The following AFG1L variants were observed in gnomAD, a reference collection of about 807,000 sequenced individuals.
The protein encoded by AFG1L is AFG1-like ATPase.
Under a neutral mutation model 62.2 loss-of-function variants are expected in AFG1L, and 53 were observed. That is an observed-to-expected ratio of 0.85 (90% CI 0.68 to 1.07). AFG1L has a LOEUF of 1.07. Ranked by LOEUF, AFG1L falls within the 50% of genes least tolerant of loss-of-function variation. The pLI is 0.00. For missense variants in AFG1L, 555 were observed against 590.5 expected (o/e 0.94, Z 0.62); for synonymous variants, 228 against 210.3 (o/e 1.08, Z -0.73).
intron 10 of AFG1L, among the ~76,000 whole-genome samples, chr6:108,500,605 A>G (rs1774156991): frequency 6.6e-6 from 1 of 152,194 alleles, no homozygotes; most frequent in African/African-American, 2.4e-5. Flanking sequence ...ATAAACGTGA[A>G]TGCAGGTGTC....
chr6:108,329,987 T>G (rs1225004850), intron 2 of AFG1L, among the ~76,000 whole-genome samples: 1 of 152,028 alleles, frequency 6.6e-6, no homozygotes, highest in Non-Finnish European at 1.5e-5. Context: ...TGGATTATCA[T>G]GGAAGTGGGA....
At chr6:108,477,030 T>A (rs1773133735) in intron 9 of AFG1L, 95 bp downstream of exon 9, 6 of 1,161,850 alleles carry the variant, frequency 5.2e-6, no homozygotes. Context: ...TGTATATGGG[T>A]TGATGCCACG....
At chr6:108,510,742 CAGTA>C (rs1774612957) in intron 11 of AFG1L, among the ~76,000 whole-genome samples, 1 of 152,122 alleles carries the variant, frequency 6.6e-6, no homozygotes, top group Non-Finnish European at 1.5e-5. Context: ...ACTGAATGCT[CAGTA>C]AGTATTTGTT....
intron 7 of AFG1L, among the ~76,000 whole-genome samples, chr6:108,446,078 AC>A (rs1771779044): frequency 6.6e-6 from 1 of 151,252 alleles, no homozygotes; most frequent in South Asian, 2.1e-4. Context: ...ACACACACAC[AC>A]ACACACACAC....
At chr6:108,363,265 G>A (rs1779615676) in intron 5 of AFG1L, among the ~76,000 whole-genome samples, 1 of 152,052 alleles carries the variant, frequency 6.6e-6, no homozygotes, top group South Asian at 2.1e-4. Context: ...GTGCAGGTTT[G>A]TTATATAGGT....
rs546328255 is a variant in AFG1L at position 108,333,217 on chromosome 6, C to A, written c.363+9169C>A. 2.0e-5 allele frequency among the ~76,000 whole-genome samples: 3 copies of A among 151,824 alleles called. No individual in the cohort carries two copies. The South Asian group carries it at 6.2e-4, about 32-fold the overall frequency. ...CTGAGGTCAGGAGTTCGAGACCAACCTGGCCAACATGGTGAAACCCCGTCT... is the reference window on the plus strand; with the variant it reads ...CTGAGGTCAGGAGTTCGAGACCAACATGGCCAACATGGTGAAACCCCGTCT... On this transcript the variant is annotated intron_variant, in intron 2 of 12. Coordinates refer to ENST00000368977, the MANE Select transcript of AFG1L (RefSeq NM_145315.5).
chr6:108,368,952 T>C (rs1537862), intron 6 of AFG1L, among the ~76,000 whole-genome samples: 52,757 of 152,078 alleles, frequency 0.35, 11,308 homozygotes, highest in East Asian at 0.63. Flanking sequence ...AGATGCGGAA[T>C]TGCAAAAATT....
Position 108,355,698 on chromosome 6 carries a change from G to A in AFG1L, c.460G>A (p.Glu154Lys). The A allele has an allele frequency of 6.2e-7, 1 of 1,610,754 alleles. No individual in the cohort carries two copies. Among genetic ancestry groups the A allele is most frequent in the South Asian group, 1.1e-5 (1 of 89,880 alleles). Residue 154 changes from glutamate (E) to lysine (K), a missense_variant, in exon 4 of 13, where the codon GAA becomes AAA. Physicochemically the swap from Glu to Lys is moderately conservative, Grantham distance 56. Transcript: ENST00000368977. ...GATGGACATGTTTTATGCTTATGTG[G>A]AAATGAAGAGGAAAAAACGGGTTCA... The part of the protein sequence containing the change: ...MVMDMFYAYV[E>K]MKRKKRVHFH...
intron 7 of AFG1L, among the ~76,000 whole-genome samples, chr6:108,410,435 A>C (rs1473957799): frequency 1.3e-5 from 2 of 152,192 alleles, no homozygotes; most frequent in Non-Finnish European, 2.9e-5. Context: ...TGAGGCTTGT[A>C]AACTGCAAGT....
intron 6 of AFG1L, among the ~76,000 whole-genome samples, chr6:108,385,573 G>A (rs774330015): frequency 1.9e-4 from 29 of 152,198 alleles, no homozygotes; most frequent in Middle Eastern, 3.4e-3. Flanking sequence ...ATCTCTGTTC[G>A]AGGCTCTCAG....
chr6:108,308,275 G>A (rs1055274480), intron 1 of AFG1L, among the ~76,000 whole-genome samples: 2 of 151,850 alleles, frequency 1.3e-5, no homozygotes, highest in Admixed American at 6.6e-5. Context: ...TCAGTCTCCC[G>A]AGTAGCTGGG....
chr6:108,396,993 C>T (rs766653701), intron 6 of AFG1L, among the ~76,000 whole-genome samples: 6 of 151,946 alleles, frequency 3.9e-5, no homozygotes, highest in Non-Finnish European at 8.8e-5. Context: ...TTCTGTTGTG[C>T]TGTCAAATAC....
intron 7 of AFG1L, among the ~76,000 whole-genome samples, chr6:108,407,684 C>T (rs1252725439): frequency 1.0e-5 from 1 of 96,844 alleles, no homozygotes; most frequent in Non-Finnish European, 1.9e-5. Flanking sequence ...TACCCTGTCT[C>T]TGGAAATTAA....
chr6:108,465,218 ACT>A (rs1444579747), intron 8 of AFG1L, among the ~76,000 whole-genome samples: 2 of 152,152 alleles, frequency 1.3e-5, no homozygotes, highest in Non-Finnish European at 2.9e-5. Flanking sequence ...CCAAAAGAAA[ACT>A]CTAAATTTAG....
chr6:108,444,410 G>T (rs557135209), intron 7 of AFG1L, among the ~76,000 whole-genome samples: 2 of 152,310 alleles, frequency 1.3e-5, no homozygotes, highest in South Asian at 4.1e-4. Flanking sequence ...ACTGCTAAAG[G>T]TTGGAGTGGC....
intron 7 of AFG1L, among the ~76,000 whole-genome samples, chr6:108,409,038 C>T (rs1005602721): frequency 1.3e-5 from 2 of 151,842 alleles, no homozygotes; most frequent in African/African-American, 2.4e-5. Flanking sequence ...CAAAAGCTTT[C>T]GATAATGTAG....
intron 2 of AFG1L, chr6:108,344,748 C>G (rs1362645782): frequency 4.2e-6 from 2 of 471,170 alleles, no homozygotes; most frequent in Admixed American, 4.7e-5. Context: ...ACTCACTCCA[C>G]CCTGTCATAC....
At chr6:108,483,226 A>AT (rs1251075228) in intron 10 of AFG1L, among the ~76,000 whole-genome samples, 1 of 152,158 alleles carries the variant, frequency 6.6e-6, no homozygotes, top group African/African-American at 2.4e-5. Flanking sequence ...AAACAGAAGT[A>AT]TTTTTTCATA....
intron 10 of AFG1L, among the ~76,000 whole-genome samples, chr6:108,505,783 A>G (rs1774395490): frequency 1.3e-5 from 2 of 152,238 alleles, no homozygotes; most frequent in South Asian, 4.1e-4. Context: ...AAAACTATCC[A>G]AAATGAATCA....
Sources: gnomAD v4.1 joint callset for allele counts (sites outside exome capture counted in the v4.1 genomes callset) on GRCh38, gnomAD v4.1.1 for gene constraint, MANE v1.5 for transcripts, NCBI Gene and HGNC (gene_info 2026-07-23, HGNC 2026-07-21) for gene names.